The following HMMR variants were observed in gnomAD, a reference collection of about 807,000 sequenced individuals.
HMMR encodes hyaluronan mediated motility receptor.
HMMR carries 108 observed loss-of-function variants against 101.0 expected under a neutral mutation model. The ratio of observed to expected loss-of-function variants is 1.07; its 90% CI spans 0.92 to 1.25. HMMR has a LOEUF of 1.25. Ranked by LOEUF, HMMR falls within the 50% of genes most tolerant of loss-of-function variation. The probability of loss-of-function intolerance (pLI) is 0.00; values close to 1 mark genes in which losing one functional copy is unlikely to be tolerated. For synonymous variants in HMMR, 296 were observed against 276.4 expected, an observed-to-expected ratio of 1.07 and a Z score of -0.70; for missense variants, 813 against 788.7, an observed-to-expected ratio of 1.03 and a Z score of -0.37.
At chr5:163,473,583 T>TATA in intron 9 of HMMR, 26 bp downstream of exon 9, 1 of 1,435,870 alleles carries the variant, frequency 7.0e-7, no homozygotes, top group Non-Finnish European at 9.5e-7. Context: ...ATAGTTACTT[T>TATA]GTTTAGATAA....
intron 1 of HMMR, among the ~76,000 whole-genome samples, chr5:163,461,890 G>A (rs1246665731): frequency 3.3e-5 from 5 of 151,572 alleles, no homozygotes; most frequent in Non-Finnish European, 5.9e-5. Flanking sequence ...TTTTACAGAT[G>A]AGAAAACAGA....
At chr5:163,473,311 A>G (rs1758956423) in intron 8 of HMMR, 58 bp downstream of exon 8, 1 of 1,499,232 alleles carries the variant, frequency 6.7e-7, no homozygotes, top group African/African-American at 1.4e-5. Context: ...AGTCATTTTC[A>G]TCATTTTTCT....
At chr5:163,489,019 C>G (rs1194242111) in intron 16 of HMMR, among the ~76,000 whole-genome samples, 1 of 152,188 alleles carries the variant, frequency 6.6e-6, no homozygotes, top group East Asian at 1.9e-4. Flanking sequence ...GCAGTTTTTC[C>G]ACAGACCGGA....
In HMMR at chr5:163,490,514, G is replaced by C. The variant is rs760877339; in HGVS notation, c.2087G>C (p.Ser696Thr). Reference sequence around the variant, plus strand: ...CCTTCAAAGGCTTTTCATCATGAAAGTAAAGAAAATTTTGCCCTGAAGACC... The same window carrying C: ...CCTTCAAAGGCTTTTCATCATGAAACTAAAGAAAATTTTGCCCTGAAGACC... ...FDPSKAFHHE[S>T]KENFALKTPL... The change falls in exon 17 of 18, where the codon AGT (serine) becomes ACT (threonine). Residue 696 changes from serine (S) to threonine (T), a missense_variant. Physicochemically the swap from Ser to Thr is moderately conservative, Grantham distance 58. Transcript: ENST00000393915. The C allele has an allele frequency of 6.2e-7, 1 of 1,603,134 alleles. No individual in the cohort carries two copies. The highest frequency in any genetic ancestry group is 8.5e-7 in the Non-Finnish European group (1 of 1,176,856).
At chr5:163,460,935 T>C (rs1388700536) in intron 1 of HMMR, among the ~76,000 whole-genome samples, 197 bp downstream of exon 1, 1 of 152,130 alleles carries the variant, frequency 6.6e-6, no homozygotes, top group Non-Finnish European at 1.5e-5. Context: ...GATACCGCAG[T>C]GAAACAGTCT....
intron 16 of HMMR, among the ~76,000 whole-genome samples, chr5:163,489,638 AAG>A (rs772734567): frequency 3.3e-5 from 5 of 152,126 alleles, no homozygotes; most frequent in Admixed American, 6.5e-5. Flanking sequence ...GAGCCAGAGA[AAG>A]AGTCATCGGG....
intron 4 of HMMR, 111 bp from the exon 5 acceptor site, chr5:163,469,530 A>G (rs1352075749): frequency 3.8e-6 from 3 of 799,638 alleles, no homozygotes; most frequent in Non-Finnish European, 6.3e-6. Context: ...CTACAAGCAT[A>G]ATGTCAAAAT....
chr5:163,477,498 G>A (rs187950488), intron 11 of HMMR, among the ~76,000 whole-genome samples: 1 of 152,080 alleles, frequency 6.6e-6, no homozygotes, highest in East Asian at 1.9e-4. Flanking sequence ...CCTGCTTTTG[G>A]GGGAACAATA....
Position 163,469,573 on chromosome 5 carries a change from A to G in HMMR, c.274-68A>G, listed in dbSNP as rs907897936. On this transcript the variant is annotated intron_variant, in intron 4 of 17. Coordinates refer to ENST00000393915, the MANE Select transcript of HMMR (RefSeq NM_001142556.2). ...TTTTCCAGAAACTTTAGGGGTGATT[A>G]TTGGTAGCATCTCCTTATGTTGGCA... 7 of 1,299,504 alleles carry G rather than the reference A, an allele frequency of 5.4e-6. No homozygotes were observed. In the East Asian group the frequency reaches 1.4e-4, roughly 26 times the overall value. The allele number at this position is 1,299,504 out of a possible 1,614,324, so 80.5% of individuals were successfully genotyped here. A position where few individuals can be genotyped will look rare whatever the true frequency, so the allele number is the denominator to read the frequency against.
At chr5:163,482,980 C>G in intron 13 of HMMR, 40 bp from the exon 14 acceptor site, 2 of 1,522,280 alleles carry the variant, frequency 1.3e-6, no homozygotes, top group Non-Finnish European at 1.8e-6. Flanking sequence ...ATGAAAGTGG[C>G]TATAAAATGT....
At chr5:163,473,986 T>C in intron 9 of HMMR, 71 bp from the exon 10 acceptor site, 2 of 1,218,342 alleles carry the variant, frequency 1.6e-6, no homozygotes, top group Admixed American at 4.7e-5. Flanking sequence ...TGGAATATTA[T>C]GGGAGTCCAG....
intron 2 of HMMR, among the ~76,000 whole-genome samples, chr5:163,464,207 G>T (rs573234217): frequency 2.6e-4 from 39 of 152,234 alleles, no homozygotes; most frequent in African/African-American, 9.4e-4. Context: ...ACCTTGACTT[G>T]TCAGGGAATA....
chr5:163,490,469 T>C lies in HMMR; in HGVS notation c.2042T>C (p.Leu681Pro), dbSNP rs1759653868. The change falls in exon 17 of 18, where the codon CTA becomes CCA. Residue 681 changes from leucine (L) to proline (P), a missense_variant. Transcript: ENST00000393915. ...CTTCAAGAGGAATTGAATAAAGTTC[T>C]AGGTATCAAACACTTTGATCCTTCA... ...TKLQEELNKV[L>P]GIKHFDPSKA... 6.2e-7 allele frequency: 1 copy of C among 1,602,090 alleles called. No homozygotes were observed. Among genetic ancestry groups the C allele is most frequent in the Non-Finnish European group, 8.5e-7 (1 of 1,175,798 alleles).
At chr5:163,482,030 C>G (rs1759284197) in intron 12 of HMMR, among the ~76,000 whole-genome samples, 1 of 152,188 alleles carries the variant, frequency 6.6e-6, no homozygotes. Context: ...ATTCTCCTGC[C>G]TCAGCCTCCC....
Position 163,473,548 on chromosome 5 carries a change from A to G in HMMR, c.895A>G (p.Lys299Glu), listed in dbSNP as rs1237447057. ...AAATGTGAAATGTCAGCTGCTTGAAAAAGAAAAAGGTATTACAGTGTTTTA... is the reference window on the plus strand; with the variant it reads ...AAATGTGAAATGTCAGCTGCTTGAAGAAGAAAAAGGTATTACAGTGTTTTA... ...DLNVKCQLLE[K>E]EKEDHVNRNR... The change falls in exon 9 of 18, where the codon AAA becomes GAA. Residue 299 changes from lysine (K) to glutamate (E), a missense_variant. Coordinates refer to ENST00000393915, the MANE Select transcript of HMMR (RefSeq NM_001142556.2). 6.4e-6 allele frequency: 10 copies of G among 1,564,652 alleles called. No individual in the cohort carries two copies. The highest frequency in any genetic ancestry group is 7.0e-6 in the Non-Finnish European group (8 of 1,150,534).
chr5:163,460,637 G>T lies in HMMR; in HGVS notation c.-56G>T, dbSNP rs1427626512. On this transcript the variant is annotated 5_prime_UTR_variant, in exon 1 of 18. Coordinates refer to ENST00000393915, the MANE Select transcript of HMMR (RefSeq NM_001142556.2). Reference sequence around the variant, plus strand: ...TGAAACCGGTAGGGAGTGATAATCCGCATTCAGTTGTCGAGGAGTGCCAGT... The same window carrying T: ...TGAAACCGGTAGGGAGTGATAATCCTCATTCAGTTGTCGAGGAGTGCCAGT... 2.7e-5 allele frequency: 40 copies of T among 1,502,026 alleles called. No individual in the cohort carries two copies. Among genetic ancestry groups the T allele is most frequent in the Non-Finnish European group, 3.5e-5 (38 of 1,094,720 alleles). 93.0% of individuals were successfully genotyped at this position (1,502,026 alleles called of 1,614,324 possible). A position where few individuals can be genotyped will look rare whatever the true frequency, so the allele number is the denominator to read the frequency against.
chr5:163,487,961 T>A (rs1759535677), intron 16 of HMMR, among the ~76,000 whole-genome samples: 1 of 152,212 alleles, frequency 6.6e-6, no homozygotes, highest in Admixed American at 6.5e-5. Context: ...GCTCAGGTGA[T>A]CCTCCCACCT....
Position 163,478,747 on chromosome 5 carries a change from AAAG to A in HMMR, c.1333_1335del (p.Lys445del). The A allele has an allele frequency of 6.2e-7, 1 of 1,613,448 alleles. No individual in the cohort carries two copies. The highest frequency in any genetic ancestry group is 8.5e-7 in the Non-Finnish European group (1 of 1,179,386). On this transcript the variant is annotated inframe_deletion, in exon 12 of 18. Coordinates refer to ENST00000393915, the MANE Select transcript of HMMR (RefSeq NM_001142556.2). The stretch of plus-strand genomic sequence containing the variant: ...CCCAGGCCACCCTGCTTTTGCAGGA[AAAG>A]TATGACAGTATGGTGCAAAGCCTTG...
chr5:163,482,293 A>C (rs1347802546), intron 12 of HMMR, among the ~76,000 whole-genome samples: 1 of 152,148 alleles, frequency 6.6e-6, no homozygotes, highest in African/African-American at 2.4e-5. Flanking sequence ...CCCTCATGCC[A>C]CCAGCTTCTG....
Sources: allele counts gnomAD v4.1 joint callset (sites outside exome capture counted in the v4.1 genomes callset), GRCh38; gene constraint gnomAD v4.1.1; transcripts MANE v1.5; gene names NCBI Gene and HGNC (gene_info 2026-07-23, HGNC 2026-07-21).